SNRNP48: variants seen among roughly 807,000 people sequenced by gnomAD.
SNRNP48 encodes U11/U12 small nuclear ribonucleoprotein 48 kDa protein.
In SNRNP48, 43 loss-of-function variants were observed where a neutral mutation model predicts 47.0. The ratio of observed to expected loss-of-function variants is 0.92; its 90% CI spans 0.72 to 1.18. The LOEUF is 1.18. SNRNP48 is among the 50% of genes most tolerant of loss of function. The pLI, the probability that SNRNP48 is intolerant of heterozygous loss-of-function variation, is 0.00. For missense variants in SNRNP48, 396 were observed against 422.2 expected (o/e 0.94, Z 0.54); for synonymous variants, 138 against 144.0 (o/e 0.96, Z 0.30).
At chr6:7,608,530 G>A (rs993716804) in intron 8 of SNRNP48, among the ~76,000 whole-genome samples, 3 of 152,014 alleles carry the variant, frequency 2.0e-5, no homozygotes, top group Non-Finnish European at 4.4e-5. Context: ...GCTCCAGCCT[G>A]GGCAACAAGA....
Position 7,593,724 on chromosome 6 carries a change from A to G in SNRNP48, c.157-10A>G. The G allele has an allele frequency of 6.5e-7, 1 of 1,531,906 alleles. No homozygotes were observed. The allele number at this position is 1,531,906 out of a possible 1,614,324, so 94.9% of individuals were successfully genotyped here. On this transcript the variant is annotated splice_polypyrimidine_tract_variant and intron_variant, in intron 1 of 8. Coordinates refer to ENST00000342415, the MANE Select transcript of SNRNP48 (RefSeq NM_152551.4). ...TACCTATTTTCTTTGTTTCTGTTTG[A>G]TTTTTATAGGATGAAGTTGTGATAT... is the stretch of plus-strand genomic sequence containing the variant.
Position 7,595,101 on chromosome 6 carries a change from A to G in SNRNP48, c.406A>G (p.Arg136Gly). 1.9e-6 allele frequency: 3 copies of G among 1,584,698 alleles called. No homozygotes were observed. Among genetic ancestry groups the G allele is most frequent in the Non-Finnish European group, 1.7e-6 (2 of 1,168,774 alleles). The part of the protein sequence containing the change: ...VGKDSDCYNQ[R>G]IYSSLPVEVP... ...GAAAGACAGTGATTGTTATAATCAA[A>G]GTAAGTGGCATTACAGTTTAAGTGA... is the stretch of plus-strand genomic sequence containing the variant. Residue 136 changes from arginine to glycine, a missense_variant and splice_region_variant, in exon 4 of 9, where the codon AGA (arginine) becomes GGA (glycine). Physicochemically the swap from Arg to Gly is moderately radical, Grantham distance 125. Transcript: ENST00000342415.
At chr6:7,597,434 T>G (rs1414676705) in intron 4 of SNRNP48, among the ~76,000 whole-genome samples, 1 of 152,344 alleles carries the variant, frequency 6.6e-6, no homozygotes, top group Non-Finnish European at 1.5e-5. Context: ...TGTAAACCTG[T>G]TTTAAAGAAA....
At chr6:7,602,807 A>G in intron 6 of SNRNP48, 63 bp downstream of exon 6, 6 of 1,447,570 alleles carry the variant, frequency 4.1e-6, no homozygotes, top group South Asian at 1.4e-5. Context: ...AATCTGTTCT[A>G]TGAATTTCCA....
At chr6:7,600,153 C>A (rs1312935730) in intron 4 of SNRNP48, 1 of 992,546 alleles carries the variant, frequency 1.0e-6, no homozygotes, top group Non-Finnish European at 1.2e-6. Flanking sequence ...ATTCAAAACC[C>A]TTTGACGAGT....
Position 7,590,309 on chromosome 6 carries a change from C to A in SNRNP48, c.52C>A (p.Leu18Met). The change falls in exon 1 of 9, where the codon CTG becomes ATG. Residue 18 changes from leucine (L) to methionine (M), a missense_variant. By Grantham distance (15) the Leu-to-Met change is conservative. Transcript: ENST00000342415. ...GGAGCGGCGGCGGCTGCAGGAGGAGCTGAACGAGTTCGTGGAGAGCGGCTG... is the reference window on the plus strand; with the variant it reads ...GGAGCGGCGGCGGCTGCAGGAGGAGATGAACGAGTTCGTGGAGAGCGGCTG... Reference protein sequence around the residue: ...VEERRRLQEELNEFVESGCRT... With the variant: ...VEERRRLQEEMNEFVESGCRT... 1 of 1,396,126 alleles carries A rather than the reference C, an allele frequency of 7.2e-7. No individual in the cohort carries two copies. Among genetic ancestry groups the A allele is most frequent in the South Asian group, 1.9e-5 (1 of 53,820 alleles). The allele number at this position is 1,396,126 out of a possible 1,614,324, so 86.5% of individuals were successfully genotyped here. A position where few individuals can be genotyped will look rare whatever the true frequency, so the allele number is the denominator to read the frequency against.
At chr6:7,600,890 T>C (rs1760005818) in intron 4 of SNRNP48, 1 of 152,392 alleles carries the variant, frequency 6.6e-6, no homozygotes. Flanking sequence ...TTACACAGTT[T>C]TTAATATTTC....
At chr6:7,599,566 A>G (rs1759974549) in intron 4 of SNRNP48, 3 of 555,588 alleles carry the variant, frequency 5.4e-6, no homozygotes, top group Admixed American at 4.1e-5. Context: ...ATGTAAATGT[A>G]AGTTTATTTA....
At chr6:7,607,867 A>G (rs1760161196) in intron 8 of SNRNP48, among the ~76,000 whole-genome samples, 1 of 152,210 alleles carries the variant, frequency 6.6e-6, no homozygotes. Context: ...TCTTACTATC[A>G]TTCAGTTAAT....
intron 4 of SNRNP48, chr6:7,600,769 G>C (rs1422847156): frequency 6.6e-6 from 1 of 152,130 alleles, no homozygotes; most frequent in Non-Finnish European, 1.5e-5. Flanking sequence ...GGAGGTGTGG[G>C]ATTTCTGCTA....
chr6:7,593,130 C>CT (rs997347840), intron 1 of SNRNP48, among the ~76,000 whole-genome samples: 4 of 151,992 alleles, frequency 2.6e-5, no homozygotes, highest in African/African-American at 9.7e-5. Context: ...AGAGTTGTAG[C>CT]TTTGAGATCT....
rs200397081 is a variant in SNRNP48 at position 7,601,850 on chromosome 6, G to GT, written c.595+334dup. Among the ~76,000 whole-genome samples the GT allele has an allele frequency of 4.7e-3, 713 of 151,642 alleles. 6 individuals carry two copies. The highest frequency in any genetic ancestry group is 0.016 in the African/African-American group (666 of 41,372). The stretch of plus-strand genomic sequence containing the variant: ...ATTTACATCGTATCAGGTTTTTGGT[G>GT]TTTTTTTTGTTTTGTTTTTTTGAGA... On this transcript the variant is annotated intron_variant, in intron 5 of 8. Coordinates refer to ENST00000342415, the MANE Select transcript of SNRNP48 (RefSeq NM_152551.4).
At chr6:7,603,444 A>T (rs558744642) in intron 6 of SNRNP48, among the ~76,000 whole-genome samples, 1 of 152,196 alleles carries the variant, frequency 6.6e-6, no homozygotes, top group East Asian at 1.9e-4. Context: ...ATTATTTCTT[A>T]CTTCTCTCTG....
intron 4 of SNRNP48, among the ~76,000 whole-genome samples, chr6:7,597,555 T>C (rs985738161): frequency 5.9e-5 from 9 of 152,324 alleles, no homozygotes; most frequent in African/African-American, 1.7e-4. Context: ...TAATGGATGC[T>C]AAACAAGCCT....
chr6:7,605,065 T>A (rs922918524), intron 6 of SNRNP48, among the ~76,000 whole-genome samples: 1 of 150,240 alleles, frequency 6.7e-6, no homozygotes, highest in Middle Eastern at 3.4e-3. Flanking sequence ...CTGTACATAT[T>A]TTTTTCCCCT....
intron 6 of SNRNP48, among the ~76,000 whole-genome samples, chr6:7,604,275 C>A (rs1760085214): frequency 6.6e-6 from 1 of 152,166 alleles, no homozygotes; most frequent in Admixed American, 6.5e-5. Context: ...CTTGGCATAT[C>A]TTAGGTTTTC....
chr6:7,592,261 C>A (rs1759831794), intron 1 of SNRNP48, among the ~76,000 whole-genome samples: 1 of 151,926 alleles, frequency 6.6e-6, no homozygotes, highest in African/African-American at 2.4e-5. Flanking sequence ...ATCGGGAAGC[C>A]TCAAGTAGTT....
chr6:7,595,777 TC>T (rs761982048), intron 4 of SNRNP48, among the ~76,000 whole-genome samples: 5 of 152,146 alleles, frequency 3.3e-5, no homozygotes, highest in Non-Finnish European at 7.4e-5. Context: ...ATGCTTGGGA[TC>T]CCCTTCTCAG....
At position 7,602,754 on chromosome 6, in the gene SNRNP48, A is replaced by G; in HGVS notation, c.717+10A>G. ...GAAATCATATACTGAGGTAAGTTTT[A>G]CATAATCTTTGTTGATAAGAATTTC... On this transcript the variant is annotated intron_variant, in intron 6 of 8. Coordinates refer to ENST00000342415, the MANE Select transcript of SNRNP48 (RefSeq NM_152551.4). The G allele has an allele frequency of 2.0e-6, 3 of 1,537,002 alleles. No homozygotes were observed. Among genetic ancestry groups the G allele is most frequent in the Non-Finnish European group, 2.6e-6 (3 of 1,146,846 alleles).
Sources: gnomAD v4.1 joint callset for allele counts (sites outside exome capture counted in the v4.1 genomes callset) on GRCh38, gnomAD v4.1.1 for gene constraint, MANE v1.5 for transcripts, NCBI Gene and HGNC (gene_info 2026-07-23, HGNC 2026-07-21) for gene names.